The following USP37 variants were observed in gnomAD, a reference collection of about 807,000 sequenced individuals.
USP37 encodes the protein ubiquitin specific peptidase 37.
USP37 carries 27 observed loss-of-function variants against 124.0 expected under a neutral mutation model. The observed-to-expected ratio is 0.22, with a 90% CI of 0.16 to 0.30. USP37 has a LOEUF of 0.30. Among genes scored for constraint, USP37 ranks in the 10% least tolerant of loss-of-function variants. USP37 has a pLI of 1.00. For synonymous variants in USP37, 365 were observed against 388.0 expected (o/e 0.94, Z 0.70); for missense variants, 889 against 1,140.4 (o/e 0.78, Z 3.17).
rs139345140 is a variant in USP37, at chr2:218,533,863, G to A, written c.778+746C>T. On this transcript the variant is annotated intron_variant, in intron 9 of 25. Transcript: ENST00000258399. Reference sequence around the variant, plus strand: ...GGATTTCAGAGAATCGAACAGATACGTTAAGTGTGGGAAACATCTGACAAA... The same window carrying A: ...GGATTTCAGAGAATCGAACAGATACATTAAGTGTGGGAAACATCTGACAAA... Among the ~76,000 whole-genome samples, 11 of 152,312 alleles carry A rather than the reference G, an allele frequency of 7.2e-5. No homozygotes were observed. The East Asian group carries it at 2.1e-3, about 29-fold the overall frequency.
At chr2:218,458,515 C>T (rs1689831862) in intron 23 of USP37, among the ~76,000 whole-genome samples, 1 of 146,638 alleles carries the variant, frequency 6.8e-6, no homozygotes, top group South Asian at 2.2e-4. Context: ...GAGGAAGTTG[C>T]AGTGAGCTGA....
intron 14 of USP37, among the ~76,000 whole-genome samples, chr2:218,495,084 C>T (rs746236861): frequency 1.3e-5 from 2 of 151,948 alleles, no homozygotes; most frequent in Non-Finnish European, 2.9e-5. Flanking sequence ...TTAGGCAATA[C>T]TAAAGTGTAT....
rs758043176 is a variant in USP37, at chr2:218,497,791, C to T, written c.1224G>A (p.Lys408=). 6.2e-7 allele frequency: 1 copy of T among 1,614,100 alleles called. No homozygotes were observed. Among genetic ancestry groups the T allele is most frequent in the Non-Finnish European group, 8.5e-7 (1 of 1,180,010 alleles). Residue 408 remains lysine, a synonymous_variant, in exon 13 of 26, where the codon AAG becomes AAA. Coordinates refer to ENST00000258399, the MANE Select transcript of USP37 (RefSeq NM_020935.3). ...CNSETKKDLL[K]KVKNAISATA... is the part of the protein sequence containing the mutation. Reference sequence around the variant, plus strand: ...TAGCTGAAATGGCATTTTTAACCTTCTTGAGTAAATCCTTTTTGGTCTCTG... The same window carrying T: ...TAGCTGAAATGGCATTTTTAACCTTTTTGAGTAAATCCTTTTTGGTCTCTG...
At chr2:218,566,257 G>A (rs1693589865) in intron 1 of USP37, among the ~76,000 whole-genome samples, 1 of 152,088 alleles carries the variant, frequency 6.6e-6, no homozygotes, top group African/African-American at 2.4e-5. Context: ...CATCCCCAAA[G>A]GCCTTGAATT....
intron 8 of USP37, among the ~76,000 whole-genome samples, chr2:218,535,443 T>C (rs1240040687): frequency 6.7e-6 from 1 of 149,680 alleles, no homozygotes; most frequent in Non-Finnish European, 1.5e-5. Flanking sequence ...CTGGGCGCGG[T>C]GGCTCAAGCC....
intron 4 of USP37, among the ~76,000 whole-genome samples, chr2:218,557,220 G>T (rs565803000): frequency 6.6e-6 from 1 of 152,026 alleles, no homozygotes; most frequent in African/African-American, 2.4e-5. Flanking sequence ...TTTAACAAAC[G>T]AATGCTGAAT....
At chr2:218,491,573 T>C (rs1559182398) in intron 14 of USP37, among the ~76,000 whole-genome samples, 2 of 152,198 alleles carry the variant, frequency 1.3e-5, no homozygotes, top group Non-Finnish European at 2.9e-5. Flanking sequence ...TTTAAGCTAA[T>C]ATGTTTGAAG....
At chr2:218,520,336 T>C (rs1032072871) in intron 10 of USP37, among the ~76,000 whole-genome samples, 5 of 150,040 alleles carry the variant, frequency 3.3e-5, no homozygotes, top group Non-Finnish European at 5.9e-5. Flanking sequence ...ATTTAAACCT[T>C]GCCAACAGCT....
At chr2:218,464,946 T>C (rs1690230665) in intron 21 of USP37, among the ~76,000 whole-genome samples, 1 of 151,762 alleles carries the variant, frequency 6.6e-6, no homozygotes, top group African/African-American at 2.4e-5. Flanking sequence ...CCGGGCATGG[T>C]GGATGCTCCT....
intron 11 of USP37, among the ~76,000 whole-genome samples, chr2:218,502,369 G>A (rs986080726): frequency 1.2e-4 from 18 of 152,042 alleles, no homozygotes; most frequent in Non-Finnish European, 2.2e-4. Context: ...ATTAGACACT[G>A]TAGAAGGAAA....
chr2:218,512,819 T>A (rs1690074385), intron 10 of USP37, among the ~76,000 whole-genome samples: 1 of 152,200 alleles, frequency 6.6e-6, no homozygotes, highest in African/African-American at 2.4e-5. Flanking sequence ...ATATTGTAGT[T>A]GTTTCTCTTT....
rs891071157 is a variant in USP37, at chr2:218,454,015, T to A, written c.*915A>T. The A allele has an allele frequency of 2.6e-5, 4 of 152,346 alleles. No homozygotes were observed. The highest frequency in any genetic ancestry group is 9.6e-5 in the African/African-American group (4 of 41,462). 9.4% of individuals were successfully genotyped at this position (152,346 alleles called of 1,614,324 possible). A position where few individuals can be genotyped will look rare whatever the true frequency, so the allele number is the denominator to read the frequency against. ...TGGGGAGTCCCAATTGGAGAAATATTATCTTTCTACTTGTTTAAAGTTTTG... is the reference window on the plus strand; with the variant it reads ...TGGGGAGTCCCAATTGGAGAAATATAATCTTTCTACTTGTTTAAAGTTTTG... On this transcript the variant is annotated 3_prime_UTR_variant, in exon 26 of 26. Transcript: ENST00000258399.
At chr2:218,461,132 T>G (rs994390804) in intron 22 of USP37, among the ~76,000 whole-genome samples, 1 of 152,098 alleles carries the variant, frequency 6.6e-6, no homozygotes, top group East Asian at 1.9e-4. Context: ...CCAGGAGCAT[T>G]TGTACATAAA....
intron 21 of USP37, 58 bp from the exon 22 acceptor site, chr2:218,463,424 A>C: frequency 6.7e-7 from 1 of 1,488,052 alleles, no homozygotes; most frequent in East Asian, 2.3e-5. Flanking sequence ...AAACTTACTT[A>C]ATGAGGATAA....
At chr2:218,521,160 C>T (rs1350604503) in intron 10 of USP37, among the ~76,000 whole-genome samples, 1 of 152,130 alleles carries the variant, frequency 6.6e-6, no homozygotes, top group Non-Finnish European at 1.5e-5. Context: ...CAAAAGCTGA[C>T]GCTGCCATGC....
At chr2:218,561,074 G>C (rs1340501529) in intron 2 of USP37, among the ~76,000 whole-genome samples, 191 bp from the exon 3 acceptor site, 1 of 152,152 alleles carries the variant, frequency 6.6e-6, no homozygotes, top group Non-Finnish European at 1.5e-5. Context: ...AATGTTTATA[G>C]AACTGTCTGT....
In USP37 at chr2:218,454,580, G is replaced by T; in HGVS notation, c.*350C>A. 5.4e-6 allele frequency: 1 copy of T among 185,876 alleles called. No homozygotes were observed. The highest frequency in any genetic ancestry group is 1.1e-5 in the Non-Finnish European group (1 of 90,758). 11.5% of individuals were successfully genotyped at this position (185,876 alleles called of 1,614,324 possible). A position where few individuals can be genotyped will look rare whatever the true frequency, so the allele number is the denominator to read the frequency against. ...AATTTTGAGCAGGCATATTCTGGTG[G>T]CTCATCCTAACTCTTTAAGGCTCCA... is the stretch of plus-strand genomic sequence containing the variant. On this transcript the variant is annotated 3_prime_UTR_variant, in exon 26 of 26. Transcript: ENST00000258399.
At chr2:218,485,809 T>A (rs942360495) in intron 15 of USP37, 66 bp from the exon 16 acceptor site, 1 of 1,541,686 alleles carries the variant, frequency 6.5e-7, no homozygotes, top group East Asian at 2.3e-5. Flanking sequence ...TGCAAATAAT[T>A]TGCTCTAGTC....
chr2:218,543,405 G>C (rs1348477342), intron 8 of USP37, among the ~76,000 whole-genome samples: 1 of 149,040 alleles, frequency 6.7e-6, no homozygotes, highest in African/African-American at 2.5e-5. Context: ...GGGAAGCTGA[G>C]GCAGGAGAAT....
Sources: gnomAD v4.1 joint callset for allele counts (sites outside exome capture counted in the v4.1 genomes callset) on GRCh38, gnomAD v4.1.1 for gene constraint, MANE v1.5 for transcripts, NCBI Gene and HGNC (gene_info 2026-07-23, HGNC 2026-07-21) for gene names.